Variants in DENND6A observed in about 807,000 individuals in gnomAD.
DENND6A encodes the protein DENN domain containing 6A.
DENND6A carries 43 observed loss-of-function variants against 95.5 expected under a neutral mutation model. The observed-to-expected ratio is 0.45, with a 90% confidence interval of 0.35 to 0.58. The LOEUF is 0.58. DENND6A is among the 20% of genes least tolerant of loss of function. The pLI is 0.00. For synonymous variants in DENND6A, 257 were observed against 260.4 expected, an observed-to-expected ratio of 0.99 and a Z score of 0.13; for missense variants, 574 against 736.0, an observed-to-expected ratio of 0.78 and a Z score of 2.55.
Position 57,646,445 on chromosome 3 carries a change from G to C in DENND6A, c.819-7C>G, listed in dbSNP as rs1418710901. The stretch of plus-strand genomic sequence containing the variant: ...GAAAACTGGGCAGAAACACCTGAAA[G>C]GTGATGCACAGTAGAAATACTTTTT... On this transcript the variant is annotated splice_polypyrimidine_tract_variant and splice_region_variant and intron_variant, in intron 9 of 19. Coordinates refer to ENST00000311128, the MANE Select transcript of DENND6A (RefSeq NM_152678.3). 1.9e-6 allele frequency: 3 copies of C among 1,606,176 alleles called. No individual in the cohort carries two copies. In the African/African-American group the frequency reaches 4.0e-5, roughly 22 times the overall value.
Position 57,661,523 on chromosome 3 carries a change from T to G in DENND6A, c.542A>C (p.Tyr181Ser). ...GAGCACAGTGTGAAAAAAATGAATA[T>G]AAGGTAGTTTGCTGATCAAAACCAA... ...KSLVLISKLP[Y>S]IHFFHTVLKQ... The change falls in exon 6 of 20, where the codon TAT (tyrosine) becomes TCT (serine). Residue 181 changes from tyrosine to serine, a missense_variant. By Grantham distance (144) the Tyr-to-Ser change is moderately radical (BLOSUM62 -2). Transcript: ENST00000311128. 1 of 1,580,952 alleles carries G rather than the reference T, an allele frequency of 6.3e-7. No individual in the cohort carries two copies. Among genetic ancestry groups the G allele is most frequent in the Non-Finnish European group, 8.5e-7 (1 of 1,172,712 alleles).
At chr3:57,683,368 C>G (rs1374851305) in intron 1 of DENND6A, among the ~76,000 whole-genome samples, 4 of 152,150 alleles carry the variant, frequency 2.6e-5, no homozygotes, top group Non-Finnish European at 5.9e-5. Context: ...CCTCACAATA[C>G]ACTAGAAATG....
At chr3:57,633,061 A>T (rs1057117119) in intron 15 of DENND6A, among the ~76,000 whole-genome samples, 1 of 152,208 alleles carries the variant, frequency 6.6e-6, no homozygotes, top group Non-Finnish European at 1.5e-5. Flanking sequence ...TGAGGGTCAG[A>T]GAGAGGGAGT....
intron 9 of DENND6A, chr3:57,654,889 C>T (rs1211432960): frequency 3.4e-5 from 24 of 712,780 alleles, no homozygotes; most frequent in South Asian, 6.3e-5. Context: ...CACTAATAAA[C>T]GTGAAATGTA....
chr3:57,651,886 A>G (rs1160341722), intron 9 of DENND6A, among the ~76,000 whole-genome samples: 2 of 152,060 alleles, frequency 1.3e-5, no homozygotes, highest in Non-Finnish European at 2.9e-5. Flanking sequence ...CAGAGTCCAA[A>G]CAGATATATA....
intron 9 of DENND6A, among the ~76,000 whole-genome samples, chr3:57,657,447 C>T (rs1384634176): frequency 6.6e-6 from 1 of 152,020 alleles, no homozygotes; most frequent in African/African-American, 2.4e-5. Context: ...AATTCTCACA[C>T]TAAACCAAAC....
In DENND6A at chr3:57,630,463, G is replaced by T; in HGVS notation, c.1578C>A (p.Thr526=). The change falls in exon 18 of 20, where the codon ACC becomes ACA. Residue 526 remains threonine (T), a synonymous_variant. Transcript: ENST00000311128. The part of the protein sequence containing the change: ...GWFKTRRKEM[T]QKLEALHLEA... Reference sequence around the variant, plus strand: ...CTAGATGGAGTGCCTCCAATTTTTGGGTCATTTCCTTCCTCCGGGTCTTAA... The same window carrying T: ...CTAGATGGAGTGCCTCCAATTTTTGTGTCATTTCCTTCCTCCGGGTCTTAA... 1 of 1,594,998 alleles carries T rather than the reference G, an allele frequency of 6.3e-7. No homozygotes were observed. The highest frequency in any genetic ancestry group is 2.2e-5 in the East Asian group (1 of 44,588).
chr3:57,693,021 G>C lies in DENND6A; in HGVS notation c.-3C>G. On this transcript the variant is annotated 5_prime_UTR_variant, in exon 1 of 20. Coordinates refer to ENST00000311128, the MANE Select transcript of DENND6A (RefSeq NM_152678.3). ...CCCGCAGGGCCCCTCAAAGCCATCGGCCGCCCCCTGACCGTTCGCGCCGCC... is the reference window on the plus strand; with the variant it reads ...CCCGCAGGGCCCCTCAAAGCCATCGCCCGCCCCCTGACCGTTCGCGCCGCC... 3 of 1,457,034 alleles carry C rather than the reference G, an allele frequency of 2.1e-6. No individual in the cohort carries two copies. Among genetic ancestry groups the C allele is most frequent in the Non-Finnish European group, 2.7e-6 (3 of 1,117,244 alleles). The allele number at this position is 1,457,034 out of a possible 1,614,324, so 90.3% of individuals were successfully genotyped here.
At chr3:57,663,017 G>A (rs1194165594) in intron 5 of DENND6A, among the ~76,000 whole-genome samples, 2 of 150,606 alleles carry the variant, frequency 1.3e-5, no homozygotes, top group African/African-American at 2.4e-5. Flanking sequence ...TACTTGTGAG[G>A]TGCCTGTAAT....
chr3:57,634,856 ATTAC>A (rs1009697219), intron 12 of DENND6A, 87 bp from the exon 13 acceptor site: 14 of 1,078,802 alleles, frequency 1.3e-5, no homozygotes, highest in South Asian at 6.1e-5. Context: ...TAATCTGTTT[ATTAC>A]TTAAGTATGT....
chr3:57,683,553 TA>T (rs1343865592), intron 1 of DENND6A, among the ~76,000 whole-genome samples: 1 of 152,180 alleles, frequency 6.6e-6, no homozygotes, highest in Non-Finnish European at 1.5e-5. Flanking sequence ...TTTTGCCAAC[TA>T]AAGGATCACA....
chr3:57,679,754 G>A (rs145509543), intron 1 of DENND6A, among the ~76,000 whole-genome samples: 3 of 152,358 alleles, frequency 2.0e-5, no homozygotes, highest in African/African-American at 7.2e-5. Context: ...AGAAGACTAT[G>A]TAGGGGATTG....
intron 9 of DENND6A, among the ~76,000 whole-genome samples, chr3:57,657,205 T>C (rs1412612833): frequency 6.6e-6 from 1 of 152,224 alleles, no homozygotes; most frequent in Admixed American, 6.5e-5. Context: ...TTTTTGTTTT[T>C]TCATTTTCCA....
intron 17 of DENND6A, 21 bp from the exon 18 acceptor site, chr3:57,630,544 A>G: frequency 6.3e-7 from 1 of 1,578,620 alleles, no homozygotes; most frequent in Non-Finnish European, 8.6e-7. Context: ...ACATTTTAAA[A>G]AAGTAAAGTT....
At chr3:57,646,037 T>C (rs1176929336) in intron 10 of DENND6A, among the ~76,000 whole-genome samples, 1 of 152,152 alleles carries the variant, frequency 6.6e-6, no homozygotes, top group Non-Finnish European at 1.5e-5. Flanking sequence ...TTCACACAAG[T>C]AATATTTATC....
chr3:57,678,893 A>G (rs553861711), intron 1 of DENND6A, among the ~76,000 whole-genome samples: 44 of 152,238 alleles, frequency 2.9e-4, no homozygotes, highest in Non-Finnish European at 5.7e-4. Flanking sequence ...AGATTACTTG[A>G]GGCCAGGAGT....
intron 1 of DENND6A, among the ~76,000 whole-genome samples, chr3:57,689,520 C>A (rs2077241745): frequency 6.6e-6 from 1 of 152,144 alleles, no homozygotes; most frequent in African/African-American, 2.4e-5. Flanking sequence ...ACACCCCCTG[C>A]AGTCAACACC....
chr3:57,665,984 A>T, intron 4 of DENND6A, 139 bp downstream of exon 4: 1 of 558,550 alleles, frequency 1.8e-6, no homozygotes, highest in Non-Finnish European at 3.2e-6. Context: ...TATGAATAAG[A>T]CTCACTTTGG....
chr3:57,692,043 CA>C (rs1190415795), intron 1 of DENND6A, among the ~76,000 whole-genome samples: 12 of 151,824 alleles, frequency 7.9e-5, no homozygotes, highest in African/African-American at 2.9e-4. Flanking sequence ...CCAGCCTTAC[CA>C]AAATGGAGAA....
Sources: gnomAD v4.1 joint callset for allele counts (sites outside exome capture counted in the v4.1 genomes callset) on GRCh38, gnomAD v4.1.1 for gene constraint, MANE v1.5 for transcripts, NCBI Gene and HGNC (gene_info 2026-07-23, HGNC 2026-07-21) for gene names.